Variants in MEX3C observed in about 807,000 individuals in gnomAD.
MEX3C encodes mex-3 RNA binding family member C.
Under a neutral mutation model 35.5 loss-of-function variants are expected in MEX3C, and 15 were observed. The ratio of observed to expected loss-of-function variants is 0.42; its 90% CI spans 0.28 to 0.65. MEX3C has a LOEUF of 0.65. MEX3C is among the 30% of genes least tolerant of loss of function. The pLI is 0.20. For synonymous variants in MEX3C, 390 were observed against 352.8 expected (o/e 1.11, Z -1.18); for missense variants, 711 against 842.8 (o/e 0.84, Z 1.94).
At chr18:51,193,526 T>A (rs1291201470) in intron 1 of MEX3C, 1 of 152,218 alleles carries the variant, frequency 6.6e-6, no homozygotes, top group Non-Finnish European at 1.5e-5. Flanking sequence ...GCAGGTACTA[T>A]ACTTAAAAAC....
At chr18:51,187,329 T>C (rs1186957905) in intron 1 of MEX3C, among the ~76,000 whole-genome samples, 1 of 152,172 alleles carries the variant, frequency 6.6e-6, no homozygotes, top group Non-Finnish European at 1.5e-5. Flanking sequence ...CTCATTATTA[T>C]AGCTATCATG....
chr18:51,197,114 C>G lies in MEX3C; in HGVS notation c.207G>C (p.Ala69=). 8.9e-7 allele frequency: 1 copy of G among 1,120,540 alleles called. No homozygotes were observed. The highest frequency in any genetic ancestry group is 1.1e-6 in the Non-Finnish European group (1 of 921,026). The allele number at this position is 1,120,540 out of a possible 1,614,324, so 69.4% of individuals were successfully genotyped here. Reference sequence around the variant, plus strand: ...GCGCCGCCGCTGCCGGGGCCCGAAGCGCCGGGGCGCCGGGCTCCGCCGGGC... The same window carrying G: ...GCGCCGCCGCTGCCGGGGCCCGAAGGGCCGGGGCGCCGGGCTCCGCCGGGC... The part of the protein sequence containing the change: ...DPSPAEPGAP[A]LRAPAAAAQG... Residue 69 remains alanine, a synonymous_variant, in exon 1 of 2, where the codon GCG becomes GCC. Transcript: ENST00000406189.
intron 1 of MEX3C, among the ~76,000 whole-genome samples, chr18:51,179,996 A>G (rs978090739): frequency 5.4e-5 from 8 of 149,322 alleles, no homozygotes; most frequent in African/African-American, 2.0e-4. Flanking sequence ...AACACTGGGC[A>G]AATTGCATTA....
intron 1 of MEX3C, among the ~76,000 whole-genome samples, chr18:51,189,341 C>T (rs1912605644): frequency 6.6e-6 from 1 of 152,094 alleles, no homozygotes; most frequent in Non-Finnish European, 1.5e-5. Flanking sequence ...GACAGACCAC[C>T]TAGTTAAATC....
In MEX3C at chr18:51,197,529, G is replaced by A. The variant is rs969336863; in HGVS notation, c.-209C>T. On this transcript the variant is annotated 5_prime_UTR_variant, in exon 1 of 2. Transcript: ENST00000406189. The stretch of plus-strand genomic sequence containing the variant: ...TGGAGGGGCAGGGGAAGGAGGCAGA[G>A]GTAGGTAACTAGGTGGGTGGGTGGG... Among the ~76,000 whole-genome samples the A allele has an allele frequency of 1.4e-5, 2 of 145,516 alleles. No homozygotes were observed. The highest frequency in any genetic ancestry group is 3.0e-5 in the Non-Finnish European group (2 of 65,700).
intron 1 of MEX3C, among the ~76,000 whole-genome samples, chr18:51,184,672 C>G (rs1912498296): frequency 6.6e-6 from 1 of 152,012 alleles, no homozygotes; most frequent in Non-Finnish European, 1.5e-5. Context: ...GCCTAGGCAA[C>G]ATGGCAAAAC....
Position 51,176,703 on chromosome 18 carries a change from C to T in MEX3C, c.1628G>A (p.Arg543His), listed in dbSNP as rs145676056. 2.3e-5 allele frequency: 37 copies of T among 1,613,848 alleles called. No individual in the cohort carries two copies. The highest frequency in any genetic ancestry group is 2.7e-5 in the Non-Finnish European group (32 of 1,179,896). The part of the protein sequence containing the change: ...QRRGSQPSTP[R>H]LSPTFPESIE... The stretch of plus-strand genomic sequence containing the variant: ...GCTCTCAGGAAATGTAGGAGACAGA[C>T]GAGGAGTAGATGGCTGACTTCCTCT... Residue 543 changes from arginine (R) to histidine (H), a missense_variant, in exon 2 of 2, where the codon CGT (arginine) becomes CAT (histidine). Arg to His is a conservative substitution (Grantham distance 29). Coordinates refer to ENST00000406189, the MANE Select transcript of MEX3C (RefSeq NM_016626.5).
At chr18:51,194,641 G>A (rs771864177) in intron 1 of MEX3C, 40 of 152,152 alleles carry the variant, frequency 2.6e-4, no homozygotes, top group Non-Finnish European at 4.9e-4. Flanking sequence ...ATGTTATCTT[G>A]TCCTTCAGTA....
At chr18:51,194,349 G>C (rs1912727142) in intron 1 of MEX3C, 1 of 152,114 alleles carries the variant, frequency 6.6e-6, no homozygotes, top group Non-Finnish European at 1.5e-5. Flanking sequence ...GGTTTAAATG[G>C]AAGAGCCAGC....
In MEX3C at chr18:51,196,655, C is replaced by T. The variant is rs1912796734; in HGVS notation, c.666G>A (p.Ala222=). The change falls in exon 1 of 2, where the codon GCG becomes GCA. Residue 222 remains alanine, a synonymous_variant. Transcript: ENST00000406189. ...TGACGCTCTTTCTCCGGAGCAGGGC[C>T]GCCTGCTCCCCGTTCAGGGCGGCCG... is the stretch of plus-strand genomic sequence containing the variant. The part of the protein sequence containing the change: ...AAAAALNGEQ[A]ALLRRKSVNT... 3.2e-6 allele frequency: 5 copies of T among 1,568,368 alleles called. No homozygotes were observed. The highest frequency in any genetic ancestry group is 4.3e-6 in the Non-Finnish European group (5 of 1,163,176).
rs568765802 is a variant in MEX3C at position 51,184,509 on chromosome 18, T to C, written c.755-6933A>G. ...AGACTAAAATGTTAGATATATTACA[T>C]TCTTATTCAATACCCTACAAGACAT... On this transcript the variant is annotated intron_variant, in intron 1 of 1. Transcript: ENST00000406189. 1.9e-3 allele frequency among the ~76,000 whole-genome samples: 288 copies of C among 152,324 alleles called. 1 individual carries two copies. Among genetic ancestry groups the C allele is most frequent in the African/African-American group, 6.8e-3 (281 of 41,560 alleles).
rs1912274198 is a variant in MEX3C at position 51,175,264 on chromosome 18, G to C, written c.*1087C>G. 6.6e-6 allele frequency: 1 copy of C among 152,412 alleles called. No individual in the cohort carries two copies. The highest frequency in any genetic ancestry group is 2.1e-4 in the South Asian group (1 of 4,816). The allele number at this position is 152,412 out of a possible 1,614,324, so 9.4% of individuals were successfully genotyped here. ...TCCTTTCAATGCCAGCACAGATTTG[G>C]GAACATACTGAGGATGAAGTTATAG... On this transcript the variant is annotated 3_prime_UTR_variant, in exon 2 of 2. Transcript: ENST00000406189.
rs145741663 is a variant in MEX3C at position 51,182,093 on chromosome 18, C to T, written c.755-4517G>A. Among the ~76,000 whole-genome samples, 24 of 152,240 alleles carry T rather than the reference C, an allele frequency of 1.6e-4. No homozygotes were observed. The East Asian group carries it at 3.9e-3, about 24-fold the overall frequency. ...AGATATTTGAGAGTGAGTAAGACCA[C>T]GTTCACCAACTTTTATTACAGTATA... is the stretch of plus-strand genomic sequence containing the variant. On this transcript the variant is annotated intron_variant, in intron 1 of 1. Coordinates refer to ENST00000406189, the MANE Select transcript of MEX3C (RefSeq NM_016626.5).
chr18:51,180,390 C>CTTTTT (rs1313508786), intron 1 of MEX3C, among the ~76,000 whole-genome samples: 1 of 152,122 alleles, frequency 6.6e-6, no homozygotes, highest in Non-Finnish European at 1.5e-5. Context: ...GAAAGACAGG[C>CTTTTT]CTGGTCTACA....
chr18:51,195,264 CATT>C (rs1308545836), intron 1 of MEX3C: 1 of 152,204 alleles, frequency 6.6e-6, no homozygotes, highest in Non-Finnish European at 1.5e-5. Context: ...ATCTGAAACT[CATT>C]AACCAGAAGA....
intron 1 of MEX3C, among the ~76,000 whole-genome samples, chr18:51,181,569 A>C (rs1223460935): frequency 2.6e-5 from 4 of 152,366 alleles, no homozygotes; most frequent in Middle Eastern, 6.8e-3. Flanking sequence ...ACTGCCCTCT[A>C]AGAGCTATCA....
At chr18:51,187,910 T>G (rs949594860) in intron 1 of MEX3C, among the ~76,000 whole-genome samples, 13 of 152,176 alleles carry the variant, frequency 8.5e-5, no homozygotes, top group African/African-American at 3.1e-4. Flanking sequence ...TTACAGTAAA[T>G]ATGGAATTGC....
chr18:51,186,091 G>C (rs1912531545), intron 1 of MEX3C, among the ~76,000 whole-genome samples: 1 of 152,052 alleles, frequency 6.6e-6, no homozygotes, highest in African/African-American at 2.4e-5. Flanking sequence ...TGAACTCTAA[G>C]AGCATTTTAT....
intron 1 of MEX3C, chr18:51,195,947 C>G (rs2144561657): frequency 6.5e-6 from 1 of 153,214 alleles, no homozygotes; most frequent in Non-Finnish European, 1.5e-5. Flanking sequence ...TGTGTCTTTC[C>G]GAGAGTTGAA....
Sources: gnomAD v4.1 joint callset for allele counts (sites outside exome capture counted in the v4.1 genomes callset) on GRCh38, gnomAD v4.1.1 for gene constraint, MANE v1.5 for transcripts, NCBI Gene and HGNC (gene_info 2026-07-23, HGNC 2026-07-21) for gene names.